The following PAPPA variants were observed in gnomAD, a reference collection of about 807,000 sequenced individuals.
PAPPA encodes the protein pappalysin 1.
A neutral mutation model predicts 164.0 loss-of-function variants in PAPPA; 60 were observed. That is an observed-to-expected ratio of 0.37 (90% CI 0.30 to 0.45). PAPPA has a LOEUF of 0.45. Ranked by LOEUF, PAPPA falls within the 20% of genes least tolerant of loss-of-function variation. PAPPA has a pLI of 1.00. For synonymous variants in PAPPA, 875 were observed against 814.1 expected, an observed-to-expected ratio of 1.07 and a Z score of -1.27; for missense variants, 1,782 against 2,087.3, an observed-to-expected ratio of 0.85 and a Z score of 2.85.
intron 9 of PAPPA, among the ~76,000 whole-genome samples, chr9:116,278,022 A>G (rs962161334): frequency 6.6e-6 from 1 of 152,236 alleles, no homozygotes; most frequent in African/African-American, 2.4e-5. Flanking sequence ...TATGAGATAA[A>G]TAATGTTATC....
rs142853575 is a variant in PAPPA at position 116,259,307 on chromosome 9, A to T, written c.2733-6550A>T. Among the ~76,000 whole-genome samples, 390 of 152,192 alleles carry T rather than the reference A, an allele frequency of 2.6e-3. 1 individual carries two copies. The highest frequency in any genetic ancestry group is 9.0e-3 in the African/African-American group (374 of 41,568). On this transcript the variant is annotated intron_variant, in intron 7 of 21. Coordinates refer to ENST00000328252, the MANE Select transcript of PAPPA (RefSeq NM_002581.5). ...CAACAACATACGAAAAACACAAATC[A>T]TGAAGGATACAAAATTCTCTTATCA...
intron 2 of PAPPA, among the ~76,000 whole-genome samples, chr9:116,202,586 C>G (rs1844184034): frequency 6.6e-6 from 1 of 152,108 alleles, no homozygotes; most frequent in South Asian, 2.1e-4. Context: ...ACAAGAGACA[C>G]TGAGTTACCA....
intron 13 of PAPPA, among the ~76,000 whole-genome samples, chr9:116,343,639 G>A (rs1033468347): frequency 1.3e-5 from 2 of 152,056 alleles, no homozygotes; most frequent in African/African-American, 2.4e-5. Flanking sequence ...GGCTATATGA[G>A]GTTGGCCAAA....
At chr9:116,353,213 C>T (rs1323694295) in intron 16 of PAPPA, among the ~76,000 whole-genome samples, 1 of 151,946 alleles carries the variant, frequency 6.6e-6, no homozygotes, top group African/African-American at 2.4e-5. Flanking sequence ...ATAACAGTTA[C>T]CACGTAAGGT....
intron 1 of PAPPA, among the ~76,000 whole-genome samples, chr9:116,164,610 G>A (rs1015674736): frequency 1.3e-5 from 2 of 152,160 alleles, no homozygotes; most frequent in Admixed American, 6.5e-5. Flanking sequence ...GAAGCCAGTG[G>A]TCCAACCTGT....
In PAPPA at chr9:116,181,764, A is replaced by G. The variant is rs535659220; in HGVS notation, c.416-5390A>G. Among the ~76,000 whole-genome samples, 5 of 152,396 alleles carry G rather than the reference A, an allele frequency of 3.3e-5. No individual in the cohort carries two copies. In the Middle Eastern group the frequency reaches 0.01, roughly 311 times the overall value. On this transcript the variant is annotated intron_variant, in intron 1 of 21. Transcript: ENST00000328252. Reference sequence around the variant, plus strand: ...ATCCAGATGTCGAAGGACAAGCTCAAGTAAGCACTCCAGATGGACAACTAT... The same window carrying G: ...ATCCAGATGTCGAAGGACAAGCTCAGGTAAGCACTCCAGATGGACAACTAT...
chr9:116,199,460 C>G (rs759886236), intron 2 of PAPPA, among the ~76,000 whole-genome samples: 5 of 152,178 alleles, frequency 3.3e-5, no homozygotes, highest in Non-Finnish European at 7.3e-5. Flanking sequence ...ACCACTACTT[C>G]TTATATACAT....
At chr9:116,182,101 G>C (rs1371457903) in intron 1 of PAPPA, among the ~76,000 whole-genome samples, 1 of 152,220 alleles carries the variant, frequency 6.6e-6, no homozygotes, top group Non-Finnish European at 1.5e-5. Context: ...ATTCTGAGCT[G>C]TGTTGCTTTG....
rs757970551 is a variant in PAPPA at position 116,352,847 on chromosome 9, T to C, written c.4106T>C (p.Val1369Ala). The change falls in exon 16 of 22, where the codon GTG becomes GCG. Residue 1369 changes from valine (V) to alanine (A), a missense_variant. Around this residue, in one of 2 missense-constraint regions of PAPPA, gnomAD observed 1,324 missense variants for 1,656.9 expected, o/e 0.80. Coordinates refer to ENST00000328252, the MANE Select transcript of PAPPA (RefSeq NM_002581.5). ...CGGTGCCGAGAGAATAAGCACAAGGTGGGCTCCTTCTGCAAATACAAATGC... is the reference window on the plus strand; with the variant it reads ...CGGTGCCGAGAGAATAAGCACAAGGCGGGCTCCTTCTGCAAATACAAATGC... Reference protein sequence around the residue: ...TARCRENKHKVGSFCKYKCKP... With the variant: ...TARCRENKHKAGSFCKYKCKP... The C allele has an allele frequency of 3.1e-6, 5 of 1,614,032 alleles. No individual in the cohort carries two copies. The Admixed American group carries it at 5.0e-5, about 16-fold the overall frequency.
intron 20 of PAPPA, among the ~76,000 whole-genome samples, chr9:116,382,043 T>A (rs1846738085): frequency 6.6e-6 from 1 of 152,216 alleles, no homozygotes. Flanking sequence ...GAGGCTTACA[T>A]TTCCTGGTCA....
At chr9:116,181,724 A>G (rs1050766807) in intron 1 of PAPPA, among the ~76,000 whole-genome samples, 1 of 152,262 alleles carries the variant, frequency 6.6e-6, no homozygotes, top group African/African-American at 2.4e-5. Flanking sequence ...TCAGGCAGGT[A>G]GGCTGGTAAC....
chr9:116,289,368 G>GGCATATATATTGCATATATATA (rs1564212451), intron 9 of PAPPA, among the ~76,000 whole-genome samples: 2 of 99,802 alleles, frequency 2.0e-5, no homozygotes, highest in African/African-American at 3.9e-5. Context: ...GCATATATAT[G>GGCATATATATTGCATATATATA]GCATATATAT....
At chr9:116,244,376 G>T (rs892205256) in intron 7 of PAPPA, among the ~76,000 whole-genome samples, 1 of 152,164 alleles carries the variant, frequency 6.6e-6, no homozygotes. Context: ...TGAACCGATA[G>T]TTCCATTGAT....
Position 116,352,792 on chromosome 9 carries a change from C to G in PAPPA, c.4051C>G (p.Pro1351Ala), listed in dbSNP as rs55679739. ...LCELMCLAPP[P>A]VPNADLQTAR... Reference sequence around the variant, plus strand: ...TGAGCTCATGTGCCTCGCTCCACCCCCTGTGCCCAATGCAGACCTCCAGAC... The same window carrying G: ...TGAGCTCATGTGCCTCGCTCCACCCGCTGTGCCCAATGCAGACCTCCAGAC... Residue 1351 changes from proline (P) to alanine (A), a missense_variant, in exon 16 of 22, where the codon CCT (proline) becomes GCT (alanine). Physicochemically the swap from Pro to Ala is conservative, Grantham distance 27. Coordinates refer to ENST00000328252, the MANE Select transcript of PAPPA (RefSeq NM_002581.5). 7.7e-4 allele frequency: 1,250 copies of G among 1,614,020 alleles called. No individual in the cohort carries two copies. Among genetic ancestry groups the G allele is most frequent in the Non-Finnish European group, 9.5e-4 (1,120 of 1,179,982 alleles).
At chr9:116,264,300 C>G (rs1341159538) in intron 7 of PAPPA, among the ~76,000 whole-genome samples, 1 of 152,100 alleles carries the variant, frequency 6.6e-6, no homozygotes, top group Non-Finnish European at 1.5e-5. Flanking sequence ...ACAAAACAAC[C>G]ATCACTCATG....
At chr9:116,365,562 T>TC (rs1174686435) in intron 18 of PAPPA, among the ~76,000 whole-genome samples, 1 of 130,664 alleles carries the variant, frequency 7.7e-6, no homozygotes, top group African/African-American at 2.6e-5. Flanking sequence ...TTTTTTTTTT[T>TC]TTTTCCTCTC....
rs141535999 is a variant in PAPPA, at chr9:116,332,334, C to T, written c.3263C>T (p.Ala1088Val). The T allele has an allele frequency of 1.5e-5, 24 of 1,611,964 alleles. No individual in the cohort carries two copies. Among genetic ancestry groups the T allele is most frequent in the African/African-American group, 6.7e-5 (5 of 74,886 alleles). Residue 1088 changes from alanine (A) to valine (V), a missense_variant and splice_region_variant, in exon 12 of 22, where the codon GCG (alanine) becomes GTG (valine). Ala to Val is a moderately conservative substitution (Grantham distance 64). Coordinates refer to ENST00000328252, the MANE Select transcript of PAPPA (RefSeq NM_002581.5). ...QLAQTTFWLRAYFSQPMVAAA... is the reference protein window; with the variant it reads ...QLAQTTFWLRVYFSQPMVAAA... ...CCTCCTACGTCTTCACAATTTCAGG[C>T]GTATTTTTCTCAACCAATGGTTGCC...
chr9:116,188,205 C>G lies in PAPPA; in HGVS notation c.1467C>G (p.Asp489Glu). ...TCACTCAGACTTGCTTTGACCCCGA[C>G]TCTCCACACAGGTAAGACCTTACTG... ...TNVTQTCFDPDSPHRAYLDVN... is the reference protein window; with the variant it reads ...TNVTQTCFDPESPHRAYLDVN... The change falls in exon 2 of 22, where the codon GAC becomes GAG. Residue 489 changes from aspartate to glutamate, a missense_variant. Asp to Glu is a conservative substitution (Grantham distance 45, BLOSUM62 2). Coordinates refer to ENST00000328252, the MANE Select transcript of PAPPA (RefSeq NM_002581.5). The G allele has an allele frequency of 6.2e-7, 1 of 1,608,464 alleles. No individual in the cohort carries two copies.
At position 116,265,899 on chromosome 9, in the gene PAPPA, T is replaced by A. The variant is rs1845062449; in HGVS notation, c.2775T>A (p.Thr925=). ...GTGTGTACCAGTATTGGGTCATAAC[T>A]ATTTCAGGAACTGAAGAGAGTGAGC... is the stretch of plus-strand genomic sequence containing the variant. ...LGSVYQYWVI[T]ISGTEESEPS... The change falls in exon 8 of 22, where the codon ACT becomes ACA. Residue 925 remains threonine (T), a synonymous_variant. Transcript: ENST00000328252. 1 of 1,611,476 alleles carries A rather than the reference T, an allele frequency of 6.2e-7. No homozygotes were observed. The highest frequency in any genetic ancestry group is 1.3e-5 in the African/African-American group (1 of 74,896).
Sources: allele counts gnomAD v4.1 joint callset (sites outside exome capture counted in the v4.1 genomes callset), GRCh38; gene constraint gnomAD v4.1.1; regional missense constraint gnomAD v4.1.1; transcripts MANE v1.5; gene names NCBI Gene and HGNC (gene_info 2026-07-23, HGNC 2026-07-21).